The following TMCO5A variants were observed in gnomAD, a reference collection of about 807,000 sequenced individuals.
TMCO5A encodes transmembrane and coiled-coil domains 5A.
In TMCO5A, 34 loss-of-function variants were observed where a neutral mutation model predicts 42.3. That is an observed-to-expected ratio of 0.80 (90% confidence interval 0.61 to 1.07). The LOEUF is 1.07. TMCO5A is among the 50% of genes least tolerant of loss of function. The pLI is 0.00. For synonymous variants in TMCO5A, 131 were observed against 115.6 expected, an observed-to-expected ratio of 1.13 and a Z score of -0.86; for missense variants, 357 against 327.9, an observed-to-expected ratio of 1.09 and a Z score of -0.69.
chr15:37,944,078 CA>C (rs1409912775), intron 10 of TMCO5A: 1 of 151,990 alleles, frequency 6.6e-6, no homozygotes, highest in African/African-American at 2.4e-5. Flanking sequence ...TCCAGGTTGA[CA>C]AACATCAGAA....
Position 37,942,205 on chromosome 15 carries a change from G to A in TMCO5A, c.519G>A (p.Thr173=), listed in dbSNP as rs747429405. Residue 173 remains threonine, a synonymous_variant, in exon 9 of 12, where the codon ACG becomes ACA. Transcript: ENST00000319669. ...QALYIKKYQE[T]LKKIEEELEA... ...TCTCTTTGAAGAAGTACCAGGAAAC[G>A]TTGAAGAAAATAGAAGAAGAACTAG... The A allele has an allele frequency of 5.7e-5, 92 of 1,612,790 alleles. 1 individual carries two copies. In the South Asian group the frequency reaches 8.5e-4, roughly 15 times the overall value.
the TMCO5A span, among the ~76,000 whole-genome samples, chr15:38,010,702 A>G: frequency 6.6e-6 from 1 of 152,168 alleles, no homozygotes; most frequent in South Asian, 2.1e-4. Flanking sequence ...AGTTTGTTAC[A>G]GCAGCCACAG....
rs986391962 is a variant in TMCO5A at position 37,936,481 on chromosome 15, A to G, written c.140+18A>G. ...ATTCAGAGGTGAGTATTAAGGTTTC[A>G]TGAGGGAAGTTCCCAATCCAAAGAA... On this transcript the variant is annotated intron_variant, in intron 3 of 11. Coordinates refer to ENST00000319669, the MANE Select transcript of TMCO5A (RefSeq NM_152453.4). 3 of 1,600,618 alleles carry G rather than the reference A, an allele frequency of 1.9e-6. No individual in the cohort carries two copies. The highest frequency in any genetic ancestry group is 2.6e-6 in the Non-Finnish European group (3 of 1,175,798).
At chr15:37,940,688 C>T (rs1889700872) in intron 6 of TMCO5A, among the ~76,000 whole-genome samples, 1 of 152,092 alleles carries the variant, frequency 6.6e-6, no homozygotes, top group Non-Finnish European at 1.5e-5. Context: ...CCCCTGCCAC[C>T]TGATACACAC....
the TMCO5A span, among the ~76,000 whole-genome samples, chr15:37,976,192 C>T: frequency 6.6e-6 from 1 of 151,510 alleles, no homozygotes; most frequent in Admixed American, 6.6e-5. Context: ...TTGCAGTGAG[C>T]TGAGATTGTA....
intron 9 of TMCO5A, chr15:37,942,804 T>G (rs1889795005): frequency 6.5e-6 from 1 of 153,992 alleles, no homozygotes; most frequent in South Asian, 2.0e-4. Flanking sequence ...TTGTCAAGAG[T>G]CTAAATGGTG....
At chr15:37,941,238 C>T (rs756194764) in intron 7 of TMCO5A, 33 bp downstream of exon 7, 1 of 1,599,142 alleles carries the variant, frequency 6.3e-7, no homozygotes, top group South Asian at 1.1e-5. Flanking sequence ...GACTTCTCCC[C>T]AAAAAGGGAA....
At chr15:37,976,765 T>C in the TMCO5A span, among the ~76,000 whole-genome samples, 21 of 151,052 alleles carry the variant, frequency 1.4e-4, no homozygotes, top group South Asian at 3.8e-3. Flanking sequence ...ATCAGTTTGG[T>C]TTCTTTCTTT....
the TMCO5A span, among the ~76,000 whole-genome samples, chr15:38,023,147 C>A: frequency 1.3e-5 from 2 of 152,064 alleles, no homozygotes; most frequent in Non-Finnish European, 2.9e-5. Flanking sequence ...TCAAGCTTTA[C>A]AACAGTAATC....
chr15:38,033,228 G>A, the TMCO5A span, among the ~76,000 whole-genome samples: 1 of 152,112 alleles, frequency 6.6e-6, no homozygotes, highest in African/African-American at 2.4e-5. Flanking sequence ...TCTTTCCTTA[G>A]GTGGAAAATG....
At chr15:37,959,033 A>G (rs563401840) in intron 11 of TMCO5A, among the ~76,000 whole-genome samples, 45 of 151,752 alleles carry the variant, frequency 3.0e-4, no homozygotes, top group African/African-American at 1.0e-3. Context: ...AACACCAAAC[A>G]CCATATGTTC....
chr15:37,935,525 C>A (rs1889479649), intron 2 of TMCO5A, among the ~76,000 whole-genome samples, 177 bp downstream of exon 2: 1 of 152,100 alleles, frequency 6.6e-6, no homozygotes, highest in Non-Finnish European at 1.5e-5. Context: ...TATTATCCTT[C>A]ATTCCTATCT....
the TMCO5A span, among the ~76,000 whole-genome samples, chr15:38,036,066 G>A: frequency 6.6e-6 from 1 of 152,024 alleles, no homozygotes; most frequent in Admixed American, 6.6e-5. Context: ...TCAGCCTCAC[G>A]TCCCCTCCAT....
chr15:38,026,154 C>T, the TMCO5A span, among the ~76,000 whole-genome samples: 2 of 152,090 alleles, frequency 1.3e-5, no homozygotes, highest in Admixed American at 1.3e-4. Flanking sequence ...GGATGACAGG[C>T]AGAGGTTGGA....
At chr15:37,980,913 T>C in the TMCO5A span, among the ~76,000 whole-genome samples, 3 of 152,160 alleles carry the variant, frequency 2.0e-5, no homozygotes, top group Non-Finnish European at 4.4e-5. Flanking sequence ...AGAATCAATT[T>C]ATTTTAAGAA....
chr15:37,989,612 T>C, the TMCO5A span, among the ~76,000 whole-genome samples: 1 of 152,058 alleles, frequency 6.6e-6, no homozygotes, highest in African/African-American at 2.4e-5. Context: ...ATTTTCTCTC[T>C]GTTATTGATT....
the TMCO5A span, among the ~76,000 whole-genome samples, chr15:38,020,728 A>AT: frequency 6.6e-6 from 1 of 152,150 alleles, no homozygotes; most frequent in Non-Finnish European, 1.5e-5. Context: ...AATATATATA[A>AT]TTTTATTTGT....
the TMCO5A span, among the ~76,000 whole-genome samples, chr15:38,010,103 G>A: frequency 1.3e-5 from 2 of 151,758 alleles, no homozygotes; most frequent in African/African-American, 4.8e-5. Context: ...TCCGGGCGCG[G>A]TGGCTCCCGC....
chr15:38,027,370 T>C, the TMCO5A span, among the ~76,000 whole-genome samples: 1 of 152,130 alleles, frequency 6.6e-6, no homozygotes, highest in Non-Finnish European at 1.5e-5. Context: ...ATTTGGGACT[T>C]GCATGGGCCC....
Sources: gnomAD v4.1 joint callset for allele counts (sites outside exome capture counted in the v4.1 genomes callset) on GRCh38, gnomAD v4.1.1 for gene constraint, MANE v1.5 for transcripts, NCBI Gene and HGNC (gene_info 2026-07-23, HGNC 2026-07-21) for gene names.